The following MEI1 variants were observed in gnomAD, a reference collection of about 807,000 sequenced individuals.
The protein encoded by MEI1 is meiosis inhibitor protein 1.
Under a neutral mutation model 146.2 loss-of-function variants are expected in MEI1, and 103 were observed. The ratio of observed to expected loss-of-function variants is 0.70; its 90% CI spans 0.60 to 0.83. MEI1 has a LOEUF of 0.83. Among genes scored for constraint, MEI1 ranks in the 40% least tolerant of loss-of-function variants. MEI1 has a pLI of 0.00. For missense variants in MEI1, 1,529 were observed against 1,533.0 expected (o/e 1.00, Z 0.04); for synonymous variants, 652 against 628.2 (o/e 1.04, Z -0.57).
At chr22:41,748,735 A>G (rs1337494662) in intron 15 of MEI1, among the ~76,000 whole-genome samples, 1 of 152,154 alleles carries the variant, frequency 6.6e-6, no homozygotes, top group Non-Finnish European at 1.5e-5. Context: ...AGGTTAAGTA[A>G]CTTGCCTAAG....
Position 41,756,485 on chromosome 22 carries a change from T to C in MEI1, c.1952-1880T>C, listed in dbSNP as rs115177023. Among the ~76,000 whole-genome samples, 1,296 of 149,988 alleles carry C rather than the reference T, an allele frequency of 8.6e-3. 18 individuals are homozygous for C. Among genetic ancestry groups the C allele is most frequent in the African/African-American group, 0.03 (1,228 of 40,728 alleles). On this transcript the variant is annotated intron_variant, in intron 17 of 30. Transcript: ENST00000401548. Reference sequence around the variant, plus strand: ...GTCAGTCTTTTTCTTTCCTTTTTTTTTGTTTTGGGACAGCGTCTTGTTCTG... The same window carrying C: ...GTCAGTCTTTTTCTTTCCTTTTTTTCTGTTTTGGGACAGCGTCTTGTTCTG...
At chr22:41,798,009 G>A (rs980928434) in intron 30 of MEI1, among the ~76,000 whole-genome samples, 2 of 152,040 alleles carry the variant, frequency 1.3e-5, no homozygotes, top group Non-Finnish European at 2.9e-5. Flanking sequence ...CCTCAGATTT[G>A]CCTGTCTCCA....
rs1023467176 is a variant in MEI1 at position 41,702,875 on chromosome 22, A to C, written c.175-456A>C. ...CCTGGGTTTACAGGCACCTGCCACC[A>C]TGCCCGAGTAATTTTTTTATTTTTA... On this transcript the variant is annotated intron_variant, in intron 1 of 30. Coordinates refer to ENST00000401548, the MANE Select transcript of MEI1 (RefSeq NM_152513.4). 3.3e-5 allele frequency among the ~76,000 whole-genome samples: 5 copies of C among 152,058 alleles called. No homozygotes were observed. In the East Asian group the frequency reaches 9.7e-4, roughly 29 times the overall value.
chr22:41,732,582 A>C lies in MEI1; in HGVS notation c.1310A>C (p.Lys437Thr), dbSNP rs567856913. The C allele has an allele frequency of 6.2e-7, 1 of 1,613,388 alleles. No homozygotes were observed. The highest frequency in any genetic ancestry group is 1.1e-5 in the South Asian group (1 of 91,066). Residue 437 changes from lysine (K) to threonine (T), a missense_variant, in exon 11 of 31, where the codon AAG becomes ACG. Lys to Thr is a moderately conservative substitution (Grantham distance 78). Coordinates refer to ENST00000401548, the MANE Select transcript of MEI1 (RefSeq NM_152513.4). ...CTGGAGGTGGCTGCTGAGGCCTTGA[A>C]GGCCACTTCTGCTTTTCTGAGGTGA... ...PVLEVAAEAL[K>T]ATSAFLRKDH...
rs545418662 is a variant in MEI1, at chr22:41,724,616, CA to C, written c.864+562del. 5.2e-3 allele frequency among the ~76,000 whole-genome samples: 387 copies of C among 74,978 alleles called. 1 individual carries two copies. Among genetic ancestry groups the C allele is most frequent in the Middle Eastern group, 0.025 (2 of 80 alleles). 49.2% of individuals were successfully genotyped at this position (74,978 alleles called of 152,430 possible). A position where few individuals can be genotyped will look rare whatever the true frequency, so the allele number is the denominator to read the frequency against. ...CTGGTGACAGAACGAGACTCTGTCT[CA>C]AAAAAAAAAAAAAAAAAATTAGCTG... On this transcript the variant is annotated intron_variant, in intron 7 of 30. Transcript: ENST00000401548.
intron 18 of MEI1, among the ~76,000 whole-genome samples, chr22:41,759,873 C>T (rs1020234201): frequency 6.6e-6 from 1 of 151,732 alleles, no homozygotes; most frequent in South Asian, 2.1e-4. Flanking sequence ...TTTCTTAAGC[C>T]GTAAGAAATA....
chr22:41,702,965 G>T (rs537623459), intron 1 of MEI1, among the ~76,000 whole-genome samples: 1 of 152,010 alleles, frequency 6.6e-6, no homozygotes, highest in Admixed American at 6.6e-5. Context: ...TGATACGCCC[G>T]CCTTGGCCTC....
chr22:41,725,314 A>G (rs2071231127), intron 7 of MEI1, among the ~76,000 whole-genome samples: 1 of 151,794 alleles, frequency 6.6e-6, no homozygotes, highest in Non-Finnish European at 1.5e-5. Context: ...GGGCTTCACC[A>G]TGCTGGCCAG....
intron 19 of MEI1, among the ~76,000 whole-genome samples, 175 bp from the exon 20 acceptor site, chr22:41,770,511 G>T (rs909356043): frequency 6.6e-6 from 1 of 152,062 alleles, no homozygotes; most frequent in Non-Finnish European, 1.5e-5. Flanking sequence ...GATAACTTCT[G>T]TTATAAGGTA....
intron 18 of MEI1, among the ~76,000 whole-genome samples, 187 bp from the exon 19 acceptor site, chr22:41,762,987 A>T (rs932489416): frequency 4.6e-5 from 7 of 152,198 alleles, no homozygotes; most frequent in Admixed American, 2.0e-4. Context: ...GGCACAGAAC[A>T]ATGTGATGTA....
rs1384482913 is a variant in MEI1 at position 41,699,711 on chromosome 22, C to A, written c.173C>A (p.Ser58Ter). The part of the protein sequence containing the change: ...ALELLPDPGV[S>*]LVRKKHMLSC... ...GAGCTGCTGCCGGACCCCGGCGTGT[C>A]GGTGCGGGCGGAACCTTTTCTTCAG... The change falls in exon 1 of 31, where the codon TCG becomes TAG. Residue 58 changes from serine (S) to a stop codon, truncating the protein, a stop_gained and splice_region_variant. Transcript: ENST00000401548. LOFTEE classifies it high-confidence loss of function. 1.9e-6 allele frequency: 3 copies of A among 1,561,870 alleles called. No individual in the cohort carries two copies. Among genetic ancestry groups the A allele is most frequent in the Non-Finnish European group, 2.6e-6 (3 of 1,154,822 alleles).
At chr22:41,716,697 T>C (rs1259394527) in intron 5 of MEI1, among the ~76,000 whole-genome samples, 4 of 146,176 alleles carry the variant, frequency 2.7e-5, no homozygotes, top group Non-Finnish European at 6.0e-5. Context: ...TTTTTTTTTT[T>C]TTTTTTTCCC....
At chr22:41,769,111 C>G (rs1028377049) in intron 19 of MEI1, among the ~76,000 whole-genome samples, 3 of 151,450 alleles carry the variant, frequency 2.0e-5, no homozygotes, top group African/African-American at 7.3e-5. Context: ...ATAGTCAAAA[C>G]AATCTTGAAA....
In MEI1 at chr22:41,758,520, A is replaced by ATCCATGAAGACAGG. The variant is rs754758030; in HGVS notation, c.2110_2120+3dup. 2 of 1,612,860 alleles carry ATCCATGAAGACAGG rather than the reference A, an allele frequency of 1.2e-6. No homozygotes were observed. The highest frequency in any genetic ancestry group is 1.7e-6 in the Non-Finnish European group (2 of 1,179,302). On this transcript the variant is annotated frameshift_variant, in exon 18 of 31. Transcript: ENST00000401548. LOFTEE classifies it high-confidence loss of function. Reference sequence around the variant, plus strand: ...CCTGCTCCTCTTCTACTTGGCCTACATCCATGAAGACAGGTCAGTGCACAG... The same window carrying ATCCATGAAGACAGG: ...CCTGCTCCTCTTCTACTTGGCCTACATCCATGAAGACAGGTCCATGAAGACAGGTCAGTGCACAG...
In MEI1 at chr22:41,795,801, C is replaced by T. The variant is rs2148266717; in HGVS notation, c.3733C>T (p.Leu1245Phe). Residue 1245 changes from leucine (L) to phenylalanine (F), a missense_variant, in exon 30 of 31, where the codon CTT becomes TTT. Transcript: ENST00000401548. This position sits in a 1 kb window ranked among gnomAD's most constrained non-coding sequence, Gnocchi z 4.2. Reference protein sequence around the residue: ...AQTLQASLEGLPPSTSSGQPP... With the variant: ...AQTLQASLEGFPPSTSSGQPP... ...GACCCTGCAGGCCTCCTTGGAGGGCCTTCCCCCTAGCACCTCCTCAGGCCA... is the reference window on the plus strand; with the variant it reads ...GACCCTGCAGGCCTCCTTGGAGGGCTTTCCCCCTAGCACCTCCTCAGGCCA... 6.2e-7 allele frequency: 1 copy of T among 1,613,710 alleles called. No homozygotes were observed. The highest frequency in any genetic ancestry group is 1.3e-5 in the African/African-American group (1 of 75,020).
At chr22:41,765,883 C>CTTTT (rs1013045266) in intron 19 of MEI1, among the ~76,000 whole-genome samples, 7 of 86,092 alleles carry the variant, frequency 8.1e-5, no homozygotes, top group East Asian at 3.2e-4. Context: ...CCAAAATGTT[C>CTTTT]TTTTTTTTTT....
chr22:41,770,690 T>C lies in MEI1; in HGVS notation c.2273T>C (p.Met758Thr), dbSNP rs370618132. Reference sequence around the variant, plus strand: ...CTTTCTTTGTTTTGCCTCCAGACTATGGTCAGTGCAATCAGAAAATTCCTA... The same window carrying C: ...CTTTCTTTGTTTTGCCTCCAGACTACGGTCAGTGCAATCAGAAAATTCCTA... Reference protein sequence around the residue: ...QDKDNTLRETMVSAIRKFLEG... With the variant: ...QDKDNTLRETTVSAIRKFLEG... The change falls in exon 20 of 31, where the codon ATG becomes ACG. Residue 758 changes from methionine (M) to threonine (T), a missense_variant. This residue lies in a region of MEI1 where 1,212 missense variants were observed against 1,178.9 expected (regional missense o/e 1.03). Coordinates refer to ENST00000401548, the MANE Select transcript of MEI1 (RefSeq NM_152513.4). The C allele has an allele frequency of 6.2e-7, 1 of 1,613,288 alleles. No homozygotes were observed. Among genetic ancestry groups the C allele is most frequent in the Non-Finnish European group, 8.5e-7 (1 of 1,179,638 alleles).
chr22:41,773,268 G>A (rs928822366), intron 20 of MEI1, among the ~76,000 whole-genome samples: 3 of 152,164 alleles, frequency 2.0e-5, no homozygotes, highest in Admixed American at 1.3e-4. Flanking sequence ...TTCAAGATGA[G>A]TTGTTGCATA....
chr22:41,744,925 A>T, intron 12 of MEI1, 48 bp from the exon 13 acceptor site: 1 of 1,198,858 alleles, frequency 8.3e-7, no homozygotes, highest in Non-Finnish European at 1.1e-6. Context: ...AGACTGAGAC[A>T]CAGCATATAC....
Sources: gnomAD v4.1 joint callset for allele counts (sites outside exome capture counted in the v4.1 genomes callset) on GRCh38, gnomAD v4.1.1 for gene constraint, gnomAD v4.1.1 regional missense constraint, Gnocchi (gnomAD v3.1) non-coding constraint, MANE v1.5 for transcripts, NCBI Gene and HGNC (gene_info 2026-07-23, HGNC 2026-07-21) for gene names.